CSMD1: variants seen among roughly 807,000 people sequenced by gnomAD.
The protein encoded by CSMD1 is CUB and Sushi multiple domains 1.
Under a neutral mutation model 417.5 loss-of-function variants are expected in CSMD1, and 213 were observed. The ratio of observed to expected loss-of-function variants is 0.51; its 90% CI spans 0.46 to 0.57. The LOEUF is 0.57. Among genes scored for constraint, CSMD1 ranks in the 20% least tolerant of loss-of-function variants. The pLI is 0.00. For synonymous variants in CSMD1, 2,862 were observed against 1,736.8 expected (o/e 1.65, Z -16.11); for missense variants, 6,923 against 4,529.7 (o/e 1.53, Z -15.17).
chr8:3,097,559 A>C (rs1471192067), intron 46 of CSMD1, among the ~76,000 whole-genome samples: 1 of 152,196 alleles, frequency 6.6e-6, no homozygotes, highest in Non-Finnish European at 1.5e-5. Context: ...CACATCATAC[A>C]GGGCAATGGA....
chr8:4,992,830 G>C (rs1811545777), intron 1 of CSMD1, among the ~76,000 whole-genome samples: 1 of 152,202 alleles, frequency 6.6e-6, no homozygotes. Context: ...CCCCAGTCCC[G>C]AGCGACCACG....
intron 5 of CSMD1, among the ~76,000 whole-genome samples, chr8:3,777,012 C>T (rs1188737596): frequency 6.6e-6 from 1 of 151,808 alleles, no homozygotes; most frequent in East Asian, 1.9e-4. Context: ...CCACATCTGA[C>T]CTTAAATGCT....
chr8:4,571,591 T>C (rs373198537), intron 2 of CSMD1, among the ~76,000 whole-genome samples: 9 of 152,322 alleles, frequency 5.9e-5, no homozygotes, highest in East Asian at 1.9e-4. Flanking sequence ...ATAAGTGCTA[T>C]GTGGTGCTGA....
chr8:4,470,906 G>C (rs1273426856), intron 2 of CSMD1, among the ~76,000 whole-genome samples: 1 of 152,132 alleles, frequency 6.6e-6, no homozygotes, highest in Non-Finnish European at 1.5e-5. Context: ...GTAAATGATT[G>C]TTTAGTATGA....
At chr8:3,581,055 G>A (rs1356972833) in intron 9 of CSMD1, among the ~76,000 whole-genome samples, 2 of 152,094 alleles carry the variant, frequency 1.3e-5, no homozygotes, top group African/African-American at 4.8e-5. Flanking sequence ...CTCTTAGAGG[G>A]CTTTTCATCT....
Position 4,550,256 on chromosome 8 carries a change from A to G in CSMD1, c.302+87086T>C, listed in dbSNP as rs539113702. Among the ~76,000 whole-genome samples the G allele has an allele frequency of 4.0e-5, 6 of 151,622 alleles. No homozygotes were observed. The South Asian group carries it at 6.3e-4, about 16-fold the overall frequency. The stretch of plus-strand genomic sequence containing the variant: ...GCCTTCACTTTTGCTTCTCATTTCC[A>G]TGGTTGTGGTTTCACGGCCAACTTT... On this transcript the variant is annotated intron_variant, in intron 2 of 69. Coordinates refer to ENST00000635120, the MANE Select transcript of CSMD1 (RefSeq NM_033225.6).
At chr8:3,739,503 T>C (rs1394956991) in intron 6 of CSMD1, among the ~76,000 whole-genome samples, 4 of 152,196 alleles carry the variant, frequency 2.6e-5, no homozygotes, top group African/African-American at 7.2e-5. Flanking sequence ...AAAATATCTC[T>C]CTGTATTCCA....
At chr8:4,482,708 A>C (rs1801164507) in intron 2 of CSMD1, among the ~76,000 whole-genome samples, 1 of 152,204 alleles carries the variant, frequency 6.6e-6, no homozygotes, top group Non-Finnish European at 1.5e-5. Context: ...TTACACTCCC[A>C]CCAACAGTGT....
At chr8:4,496,409 G>C (rs984711231) in intron 2 of CSMD1, among the ~76,000 whole-genome samples, 3 of 152,112 alleles carry the variant, frequency 2.0e-5, no homozygotes, top group African/African-American at 7.2e-5. Context: ...TGAGATTCAT[G>C]TGCCATCTCA....
intron 23 of CSMD1, among the ~76,000 whole-genome samples, chr8:3,340,965 A>G (rs1057321858): frequency 1.3e-5 from 2 of 152,188 alleles, no homozygotes; most frequent in African/African-American, 4.8e-5. Context: ...TCTTTCTCCT[A>G]TTTATAGAAC....
intron 5 of CSMD1, among the ~76,000 whole-genome samples, chr8:3,885,375 A>C (rs916598342): frequency 3.3e-5 from 5 of 152,174 alleles, no homozygotes; most frequent in South Asian, 2.1e-4. Flanking sequence ...GAAAATATAA[A>C]AGCTTGAAGC....
chr8:4,525,179 C>T (rs1400401538), intron 2 of CSMD1, among the ~76,000 whole-genome samples: 1 of 152,198 alleles, frequency 6.6e-6, no homozygotes, highest in Non-Finnish European at 1.5e-5. Context: ...CCCACCTTCC[C>T]TCTATGCCAC....
intron 5 of CSMD1, among the ~76,000 whole-genome samples, chr8:3,919,306 T>C (rs900387384): frequency 6.6e-6 from 1 of 151,736 alleles, no homozygotes; most frequent in African/African-American, 2.4e-5. Flanking sequence ...AAGTCCTTCA[T>C]CAATTTTGTG....
chr8:3,673,779 C>G (rs1799214461), intron 7 of CSMD1, among the ~76,000 whole-genome samples: 1 of 152,274 alleles, frequency 6.6e-6, no homozygotes, highest in South Asian at 2.1e-4. Flanking sequence ...CATGAAGGTG[C>G]AAACCTACAC....
At position 3,598,786 on chromosome 8, in the gene CSMD1, G is replaced by T. The variant is rs145692259; in HGVS notation, c.1098-12526C>A. Among the ~76,000 whole-genome samples the T allele has an allele frequency of 5.9e-3, 900 of 152,248 alleles. 7 individuals are homozygous for T. Among genetic ancestry groups the T allele is most frequent in the Non-Finnish European group, 8.3e-3 (566 of 68,014 alleles). ...TTGAGAACAGCAGATACAAAGCACAGAAAAGCTGAAATTGGGCCAGGTGCA... is the reference window on the plus strand; with the variant it reads ...TTGAGAACAGCAGATACAAAGCACATAAAAGCTGAAATTGGGCCAGGTGCA... On this transcript the variant is annotated intron_variant, in intron 8 of 69. Coordinates refer to ENST00000635120, the MANE Select transcript of CSMD1 (RefSeq NM_033225.6).
chr8:4,811,813 A>G (rs1798924169), intron 1 of CSMD1, among the ~76,000 whole-genome samples: 1 of 152,140 alleles, frequency 6.6e-6, no homozygotes, highest in South Asian at 2.1e-4. Context: ...TTGCATAGAC[A>G]TAGGAAAAGA....
chr8:4,612,622 G>C (rs1040435257), intron 2 of CSMD1, among the ~76,000 whole-genome samples: 1 of 152,132 alleles, frequency 6.6e-6, no homozygotes, highest in Non-Finnish European at 1.5e-5. Context: ...GAGGACAAGG[G>C]TAAGGCCACT....
At chr8:4,824,873 T>G (rs555275219) in intron 1 of CSMD1, among the ~76,000 whole-genome samples, 1 of 152,114 alleles carries the variant, frequency 6.6e-6, no homozygotes, top group Non-Finnish European at 1.5e-5. Flanking sequence ...GTCATTGTAA[T>G]AGAACGTGGC....
chr8:2,981,150 G>A (rs1805381832), intron 54 of CSMD1, among the ~76,000 whole-genome samples: 1 of 152,236 alleles, frequency 6.6e-6, no homozygotes, highest in African/African-American at 2.4e-5. Flanking sequence ...ATTTGTCCAT[G>A]ATAGAACTTC....
Sources: gnomAD v4.1 joint callset for allele counts (sites outside exome capture counted in the v4.1 genomes callset) on GRCh38, gnomAD v4.1.1 for gene constraint, MANE v1.5 for transcripts, NCBI Gene and HGNC (gene_info 2026-07-23, HGNC 2026-07-21) for gene names.